The following RABEP1 variants were observed in gnomAD, a reference collection of about 807,000 sequenced individuals.
The protein encoded by RABEP1 is rab GTPase-binding effector protein 1.
Under a neutral mutation model 123.4 loss-of-function variants are expected in RABEP1, and 51 were observed. The observed-to-expected ratio is 0.41, with a 90% CI of 0.33 to 0.52. The LOEUF (loss-of-function observed/expected upper bound fraction) is 0.52, where lower values mean the gene tolerates loss of function less well. RABEP1 is among the 20% of genes least tolerant of loss of function. The probability of loss-of-function intolerance (pLI) is 0.16; values close to 1 mark genes in which losing one functional copy is unlikely to be tolerated. For missense variants in RABEP1, 888 were observed against 996.3 expected, an observed-to-expected ratio of 0.89 and a Z score of 1.46; for synonymous variants, 347 against 355.2, an observed-to-expected ratio of 0.98 and a Z score of 0.26.
chr17:5,338,454 C>A (rs1907293947), intron 5 of RABEP1, among the ~76,000 whole-genome samples: 2 of 152,196 alleles, frequency 1.3e-5, no homozygotes, highest in South Asian at 4.2e-4. Context: ...CGGCTGCTCC[C>A]AGCCTCGGGA....
At chr17:5,356,514 C>T (rs1427938902) in intron 8 of RABEP1, 1 of 173,908 alleles carries the variant, frequency 5.8e-6, no homozygotes. Context: ...ATAGAAAACA[C>T]CATTCAAAAT....
rs112220273 is a variant in RABEP1, at chr17:5,313,746, C to T, written c.163+4924C>T. The stretch of plus-strand genomic sequence containing the variant: ...GCTCAGTAAACTCAGTTGGCCACAG[C>T]GAACAGTTGGGGTAGCTTTTTACAA... On this transcript the variant is annotated intron_variant, in intron 2 of 17. Coordinates refer to ENST00000537505, the MANE Select transcript of RABEP1 (RefSeq NM_004703.6). Among the ~76,000 whole-genome samples, 17 of 152,152 alleles carry T rather than the reference C, an allele frequency of 1.1e-4. 1 individual carries two copies. The highest frequency in any genetic ancestry group is 2.2e-4 in the African/African-American group (9 of 41,488).
intron 1 of RABEP1, among the ~76,000 whole-genome samples, chr17:5,304,831 C>T (rs140929238): frequency 6.6e-6 from 1 of 152,272 alleles, no homozygotes; most frequent in Non-Finnish European, 1.5e-5. Flanking sequence ...GAAGTCTCAG[C>T]ATGGAACTGA....
rs1908468266 is a variant in RABEP1, at chr17:5,350,703, G to A, written c.963+74G>A. On this transcript the variant is annotated intron_variant, in intron 7 of 17. Transcript: ENST00000537505. ...ACCACATGTGATTGCATTACCTTAT[G>A]TGTATTAGAGACTGACTTAAGCTGC... is the stretch of plus-strand genomic sequence containing the variant. 2.0e-6 allele frequency: 3 copies of A among 1,483,034 alleles called. No individual in the cohort carries two copies. In the South Asian group the frequency reaches 3.6e-5, roughly 18 times the overall value. 91.9% of individuals were successfully genotyped at this position (1,483,034 alleles called of 1,614,324 possible). A position where few individuals can be genotyped will look rare whatever the true frequency, so the allele number is the denominator to read the frequency against.
In RABEP1 at chr17:5,365,234, A is replaced by T. The variant is rs780306179; in HGVS notation, c.1781A>T (p.His594Leu). 13 of 1,603,848 alleles carry T rather than the reference A, an allele frequency of 8.1e-6. No homozygotes were observed. In the African/African-American group the frequency reaches 1.6e-4, roughly 20 times the overall value. ...FIKQSSEDSS[H>L]QISALVLRAQ... ...AAGCAAAGCAGCGAAGATTCGAGTC[A>T]CCAGGTAAGGGAGGGTTTATAGACT... Residue 594 changes from histidine (H) to leucine (L), a missense_variant, in exon 11 of 18, where the codon CAC (histidine) becomes CTC (leucine). By Grantham distance (99) the His-to-Leu change is moderately conservative. Transcript: ENST00000537505.
Position 5,312,092 on chromosome 17 carries a change from C to G in RABEP1, c.163+3270C>G, listed in dbSNP as rs757980129. On this transcript the variant is annotated intron_variant, in intron 2 of 17. Transcript: ENST00000537505. ...AGAGGACTTGCGTCCACCTGACTTG[C>G]CAAAAGATTTGTTACACTGTTATTA... Among the ~76,000 whole-genome samples, 28 of 152,286 alleles carry G rather than the reference C, an allele frequency of 1.8e-4. 1 individual carries two copies. Among genetic ancestry groups the G allele is most frequent in the Non-Finnish European group, 1.8e-4 (12 of 68,022 alleles).
chr17:5,292,151 T>C (rs2075039573), intron 1 of RABEP1, among the ~76,000 whole-genome samples: 1 of 152,250 alleles, frequency 6.6e-6, no homozygotes, highest in Non-Finnish European at 1.5e-5. Context: ...GTGCTGACGA[T>C]GTCTGTTAGT....
chr17:5,314,424 G>A (rs925577413), intron 2 of RABEP1, among the ~76,000 whole-genome samples: 37 of 149,842 alleles, frequency 2.5e-4, no homozygotes, highest in Non-Finnish European at 2.2e-4. Context: ...TGTATTTTTA[G>A]TAGAGTTGGG....
At chr17:5,347,685 G>T (rs1230868603) in intron 6 of RABEP1, among the ~76,000 whole-genome samples, 1 of 151,990 alleles carries the variant, frequency 6.6e-6, no homozygotes, top group Non-Finnish European at 1.5e-5. Context: ...ATTTTCCAGG[G>T]GTACATTCTT....
At chr17:5,382,193 T>G (rs1014839027) in intron 17 of RABEP1, among the ~76,000 whole-genome samples, 1 of 151,644 alleles carries the variant, frequency 6.6e-6, no homozygotes, top group Non-Finnish European at 1.5e-5. Context: ...GCGATTCTCC[T>G]GCCTCATCCT....
intron 1 of RABEP1, chr17:5,283,966 T>G (rs1054388171): frequency 3.3e-5 from 5 of 152,204 alleles, no homozygotes; most frequent in African/African-American, 1.2e-4. Flanking sequence ...ATGATCACCT[T>G]TTGCATTTGG....
chr17:5,332,428 G>T (rs1160034784), intron 3 of RABEP1, among the ~76,000 whole-genome samples: 1 of 152,060 alleles, frequency 6.6e-6, no homozygotes, highest in African/African-American at 2.4e-5. Flanking sequence ...CTTAAAAGTC[G>T]ATTTCTTCTA....
chr17:5,350,249 A>G (rs530051489), intron 6 of RABEP1, among the ~76,000 whole-genome samples: 421 of 152,192 alleles, frequency 2.8e-3, no homozygotes, highest in African/African-American at 9.7e-3. Flanking sequence ...GCATGGTGGC[A>G]GGCGCCTGTA....
chr17:5,347,399 G>C (rs1908150897), intron 6 of RABEP1, among the ~76,000 whole-genome samples: 1 of 148,664 alleles, frequency 6.7e-6, no homozygotes. Context: ...GACAGAGCGA[G>C]ACTTCATCTC....
rs749386018 is a variant in RABEP1 at position 5,368,483 on chromosome 17, T to C, written c.1884+15T>C. On this transcript the variant is annotated intron_variant, in intron 12 of 17. Transcript: ENST00000537505. Reference sequence around the variant, plus strand: ...AGGAACAGATGGTAAGTTTACATTTTAAGTAAATGACAACTATGTTACTAT... The same window carrying C: ...AGGAACAGATGGTAAGTTTACATTTCAAGTAAATGACAACTATGTTACTAT... 6.4e-7 allele frequency: 1 copy of C among 1,558,974 alleles called. No individual in the cohort carries two copies. The highest frequency in any genetic ancestry group is 8.8e-7 in the Non-Finnish European group (1 of 1,130,548).
Position 5,357,789 on chromosome 17 carries a change from C to T in RABEP1, c.1095+3299C>T, listed in dbSNP as rs183972322. Among the ~76,000 whole-genome samples the T allele has an allele frequency of 1.3e-4, 20 of 152,274 alleles. No individual in the cohort carries two copies. In the East Asian group the frequency reaches 3.9e-3, roughly 29 times the overall value. On this transcript the variant is annotated intron_variant, in intron 8 of 17. Transcript: ENST00000537505. ...GGAAGCAGAGGTACAGCACACCTTG[C>T]ATGGCCACAGCAGGGAAGCACCAGA...
chr17:5,308,951 A>G, intron 2 of RABEP1, 129 bp downstream of exon 2: 1 of 989,074 alleles, frequency 1.0e-6, no homozygotes, highest in South Asian at 2.2e-5. Context: ...ATAAAAGAAT[A>G]CTGTTTAAAG....
In RABEP1 at chr17:5,335,317, G is replaced by A; in HGVS notation, c.501G>A (p.Glu167=). ...LRRRLSEGQE[E]ENLENEMKKA... ...GAAGGCTGTCTGAAGGTCAAGAGGA[G>A]GAAAATTTAGAAAATGAAATGAAAA... Residue 167 remains glutamate (E), a synonymous_variant, in exon 4 of 18, where the codon GAG becomes GAA. Transcript: ENST00000537505. 6.2e-7 allele frequency: 1 copy of A among 1,612,434 alleles called. No homozygotes were observed. The highest frequency in any genetic ancestry group is 8.5e-7 in the Non-Finnish European group (1 of 1,179,380).
At chr17:5,295,969 A>T (rs1376230669) in intron 1 of RABEP1, among the ~76,000 whole-genome samples, 1 of 152,152 alleles carries the variant, frequency 6.6e-6, no homozygotes, top group African/African-American at 2.4e-5. Flanking sequence ...GATCATCCTT[A>T]TATTGGATAG....
Sources: allele counts gnomAD v4.1 joint callset (sites outside exome capture counted in the v4.1 genomes callset), GRCh38; gene constraint gnomAD v4.1.1; transcripts MANE v1.5; gene names NCBI Gene and HGNC (gene_info 2026-07-23, HGNC 2026-07-21).